PCDH9: variants seen among roughly 807,000 people sequenced by gnomAD.
The protein encoded by PCDH9 is protocadherin 9, also known as protocadherin-9.
PCDH9 carries 24 observed loss-of-function variants against 70.6 expected under a neutral mutation model. The ratio of observed to expected loss-of-function variants is 0.34; its 90% CI spans 0.25 to 0.48. PCDH9 has a LOEUF of 0.48. Among genes scored for constraint, PCDH9 ranks in the 20% least tolerant of loss-of-function variants. PCDH9 has a pLI of 0.99. For synonymous variants in PCDH9, 562 were observed against 558.5 expected (o/e 1.01, Z -0.09); for missense variants, 1,281 against 1,503.6 (o/e 0.85, Z 2.45).
intron 4 of PCDH9, among the ~76,000 whole-genome samples, chr13:66,464,353 G>C (rs1336765829): frequency 1.3e-5 from 2 of 151,746 alleles, no homozygotes; most frequent in African/African-American, 4.8e-5. Flanking sequence ...GCATTATGTA[G>C]CTAAAAAAGG....
chr13:66,671,481 T>C (rs1299400702), intron 3 of PCDH9, among the ~76,000 whole-genome samples: 1 of 152,202 alleles, frequency 6.6e-6, no homozygotes, highest in Non-Finnish European at 1.5e-5. Flanking sequence ...CAGAAAAGTT[T>C]GGAACTTCTT....
chr13:66,765,910 C>T (rs9564343), intron 3 of PCDH9, among the ~76,000 whole-genome samples: 44,397 of 151,820 alleles, frequency 0.29, 6,848 homozygotes, highest in East Asian at 0.43. Context: ...AGAGAAAGAA[C>T]ATCCCTTGAA....
rs191144580 is a variant in PCDH9 at position 66,660,573 on chromosome 13, A to T, written c.3139-29162T>A. On this transcript the variant is annotated intron_variant, in intron 3 of 4. Transcript: ENST00000377865. ...TTCTTTGGTTGATGTTTTTTCTTAA[A>T]TTTTTAAATTCTAAGTAGAGCAGTA... is the stretch of plus-strand genomic sequence containing the variant. Among the ~76,000 whole-genome samples, 44 of 152,300 alleles carry T rather than the reference A, an allele frequency of 2.9e-4. 1 individual carries two copies. In the East Asian group the frequency reaches 7.9e-3, roughly 27 times the overall value.
rs185338534 is a variant in PCDH9, at chr13:66,343,632, T to G, written c.3341-38604A>C. On this transcript the variant is annotated intron_variant, in intron 4 of 4. Coordinates refer to ENST00000377865, the MANE Select transcript of PCDH9 (RefSeq NM_203487.3). ...TTCTGTCCCTAGCTGGAGAAATATA[T>G]CTGCGTGTAAGCACTCACGTGACTA... Among the ~76,000 whole-genome samples, 7 of 152,326 alleles carry G rather than the reference T, an allele frequency of 4.6e-5. No individual in the cohort carries two copies. In the East Asian group the frequency reaches 1.4e-3, roughly 29 times the overall value.
rs560006221 is a variant in PCDH9 at position 66,929,671 on chromosome 13, T to C, written c.3037-26066A>G. 2.6e-5 allele frequency among the ~76,000 whole-genome samples: 4 copies of C among 152,276 alleles called. No homozygotes were observed. The East Asian group carries it at 5.8e-4, about 22-fold the overall frequency. On this transcript the variant is annotated intron_variant, in intron 2 of 4. Coordinates refer to ENST00000377865, the MANE Select transcript of PCDH9 (RefSeq NM_203487.3). ...TTGTGTTCTATACCATAATAATTTG[T>C]ACACAAAAACACTCGTTCCTATGAT...
chr13:66,774,857 T>C (rs1390744144), intron 3 of PCDH9, among the ~76,000 whole-genome samples: 1 of 152,222 alleles, frequency 6.6e-6, no homozygotes, highest in Non-Finnish European at 1.5e-5. Context: ...AGCTTTGTTT[T>C]ATTAATATCT....
At chr13:66,355,566 T>C (rs1956369078) in intron 4 of PCDH9, among the ~76,000 whole-genome samples, 1 of 152,170 alleles carries the variant, frequency 6.6e-6, no homozygotes, top group African/African-American at 2.4e-5. Flanking sequence ...GGCTCTGATG[T>C]GCCTTAACAG....
chr13:66,444,344 A>C (rs1302189276), intron 4 of PCDH9, among the ~76,000 whole-genome samples: 2 of 152,162 alleles, frequency 1.3e-5, no homozygotes, highest in African/African-American at 4.8e-5. Flanking sequence ...CAGTTGTAAG[A>C]CATCATTAGA....
At chr13:66,938,328 T>C (rs34924555) in intron 2 of PCDH9, among the ~76,000 whole-genome samples, 11,871 of 152,196 alleles carry the variant, frequency 0.078, 910 homozygotes, top group African/African-American at 0.2. Context: ...CCAGAATAAA[T>C]AAAGCATTGC....
intron 2 of PCDH9, among the ~76,000 whole-genome samples, chr13:67,111,291 C>T (rs2086654181): frequency 6.6e-6 from 1 of 152,060 alleles, no homozygotes; most frequent in Non-Finnish European, 1.5e-5. Flanking sequence ...AATATATAGT[C>T]GTTATCATTC....
rs185487150 is a variant in PCDH9 at position 66,399,921 on chromosome 13, C to A, written c.3341-94893G>T. On this transcript the variant is annotated intron_variant, in intron 4 of 4. Transcript: ENST00000377865. ...AGTGGGAAAAAGTGAGAATCAGACC[C>A]TGGGTTACAATTTATTGTCTTGTAT... 2.0e-4 allele frequency among the ~76,000 whole-genome samples: 30 copies of A among 152,126 alleles called. No individual in the cohort carries two copies. In the East Asian group the frequency reaches 5.0e-3, roughly 25 times the overall value.
chr13:66,959,050 C>T (rs758466255), intron 2 of PCDH9, among the ~76,000 whole-genome samples: 2 of 152,148 alleles, frequency 1.3e-5, no homozygotes, highest in Non-Finnish European at 2.9e-5. Context: ...TGTAACAAGA[C>T]AGTACATACA....
At chr13:66,522,399 T>C (rs1960035438) in intron 4 of PCDH9, among the ~76,000 whole-genome samples, 1 of 152,046 alleles carries the variant, frequency 6.6e-6, no homozygotes, top group Admixed American at 6.6e-5. Flanking sequence ...TAGCTTTCAG[T>C]ATGAAGTAAA....
In PCDH9 at chr13:66,637,831, G is replaced by A. The variant is rs1371957267; in HGVS notation, c.3139-6420C>T. 3.3e-5 allele frequency among the ~76,000 whole-genome samples: 5 copies of A among 151,718 alleles called. No homozygotes were observed. The East Asian group carries it at 5.8e-4, about 18-fold the overall frequency. On this transcript the variant is annotated intron_variant, in intron 3 of 4. Transcript: ENST00000377865. ...TGGGAGGCTTAAGCAGGAGAATGGC[G>A]TGAACCTGGGAGACGGAGCTTGCAG...
chr13:67,204,392 T>C (rs1224543662), intron 2 of PCDH9: 2 of 152,190 alleles, frequency 1.3e-5, no homozygotes, highest in East Asian at 3.8e-4. Context: ...CCATTTGCCT[T>C]GTCTACTACA....
intron 2 of PCDH9, among the ~76,000 whole-genome samples, chr13:67,165,997 C>T (rs1430813032): frequency 6.6e-6 from 1 of 152,172 alleles, no homozygotes; most frequent in African/African-American, 2.4e-5. Context: ...TTCAAAACAA[C>T]ATGATTAATT....
chr13:66,738,741 A>G (rs2079201792), intron 3 of PCDH9, among the ~76,000 whole-genome samples: 1 of 151,940 alleles, frequency 6.6e-6, no homozygotes, highest in East Asian at 1.9e-4. Flanking sequence ...ACAGGGTATC[A>G]GCAATGGAAG....
chr13:66,692,460 G>A (rs1273194649), intron 3 of PCDH9, among the ~76,000 whole-genome samples: 1 of 151,978 alleles, frequency 6.6e-6, no homozygotes, highest in Non-Finnish European at 1.5e-5. Context: ...ATCGATTAAA[G>A]TTCACATGGT....
chr13:66,505,003 A>G (rs545707604), intron 4 of PCDH9, among the ~76,000 whole-genome samples: 26 of 152,236 alleles, frequency 1.7e-4, no homozygotes, highest in Non-Finnish European at 2.1e-4. Context: ...ACTGCTACAC[A>G]TCCTACACCT....
Sources: gnomAD v4.1 joint callset for allele counts (sites outside exome capture counted in the v4.1 genomes callset) on GRCh38, gnomAD v4.1.1 for gene constraint, MANE v1.5 for transcripts, NCBI Gene and HGNC (gene_info 2026-07-23, HGNC 2026-07-21) for gene names.